CMIP: variants seen among roughly 807,000 people sequenced by gnomAD.
The protein encoded by CMIP is c-Maf inducing protein, also known as C-Maf-inducing protein.
A neutral mutation model predicts 97.3 loss-of-function variants in CMIP; 13 were observed. The ratio of observed to expected loss-of-function variants is 0.13; its 90% CI spans 0.09 to 0.21. The LOEUF is 0.21. CMIP is among the 10% of genes least tolerant of loss of function. CMIP has a pLI of 1.00. For missense variants in CMIP, 847 were observed against 1,024.9 expected (o/e 0.83, Z 2.37); for synonymous variants, 538 against 436.3 (o/e 1.23, Z -2.91).
chr16:81,493,883 G>A (rs78570501), intron 1 of CMIP, among the ~76,000 whole-genome samples: 14,696 of 152,240 alleles, frequency 0.097, 1,092 homozygotes, highest in African/African-American at 0.21. Flanking sequence ...TGTGACTCAC[G>A]CGGCCTGTCA....
At chr16:81,675,438 C>CA (rs1442941736) in intron 9 of CMIP, among the ~76,000 whole-genome samples, 1 of 148,300 alleles carries the variant, frequency 6.7e-6, no homozygotes, top group Non-Finnish European at 1.5e-5. Context: ...AGGCTGGTCT[C>CA]AAACTCCTGG....
At chr16:81,529,550 T>C (rs2090193525) in intron 1 of CMIP, among the ~76,000 whole-genome samples, 2 of 152,138 alleles carry the variant, frequency 1.3e-5, no homozygotes, top group Admixed American at 6.5e-5. Context: ...AGAAATGGAA[T>C]ATGCTGCCTG....
intron 1 of CMIP, among the ~76,000 whole-genome samples, chr16:81,568,778 G>A (rs1265380259): frequency 6.6e-6 from 1 of 152,220 alleles, no homozygotes. Flanking sequence ...GCGTGGAAAA[G>A]CAGACCAGCA....
rs1169775193 is a variant in CMIP, at chr16:81,616,177, C to A, written c.427-4699C>A. 6.7e-6 allele frequency among the ~76,000 whole-genome samples: 1 copy of A among 149,610 alleles called. No individual in the cohort carries two copies. Among genetic ancestry groups the A allele is most frequent in the Non-Finnish European group, 1.5e-5 (1 of 67,670 alleles). ...TATTTTTTTTTTTTTTTTTTTAACACCAGGCTCACTGGAGCAGTCGCAGTT... is the reference window on the plus strand; with the variant it reads ...TATTTTTTTTTTTTTTTTTTTAACAACAGGCTCACTGGAGCAGTCGCAGTT... On this transcript the variant is annotated intron_variant, in intron 2 of 20. Coordinates refer to ENST00000537098, the MANE Select transcript of CMIP (RefSeq NM_198390.3). The surrounding 1 kb of genome is among the most constrained non-coding windows in gnomAD (Gnocchi z 4.7).
intron 2 of CMIP, chr16:81,610,220 C>A: frequency 1.6e-6 from 1 of 636,748 alleles, no homozygotes; most frequent in Non-Finnish European, 2.0e-6. Context: ...CTGGAATGTC[C>A]CTTTAACCCG....
intron 1 of CMIP, among the ~76,000 whole-genome samples, chr16:81,449,882 C>T (rs772195693): frequency 6.6e-6 from 1 of 152,244 alleles, no homozygotes; most frequent in South Asian, 2.1e-4. Flanking sequence ...AGTTTTGATG[C>T]TCGCATTTGC....
chr16:81,532,591 G>T (rs2090260479), intron 1 of CMIP, among the ~76,000 whole-genome samples: 2 of 152,130 alleles, frequency 1.3e-5, no homozygotes, highest in Non-Finnish European at 2.9e-5. Context: ...CAGCTGAGTC[G>T]GGAGAACCTT....
intron 3 of CMIP, among the ~76,000 whole-genome samples, chr16:81,643,964 A>G (rs1319917065): frequency 1.3e-5 from 2 of 152,092 alleles, no homozygotes; most frequent in Admixed American, 6.6e-5. Flanking sequence ...CCCCTGTGTG[A>G]TTCCCGGAGG....
At chr16:81,590,242 C>T (rs944643739) in intron 1 of CMIP, among the ~76,000 whole-genome samples, 2 of 122,732 alleles carry the variant, frequency 1.6e-5, no homozygotes, top group East Asian at 4.0e-4. Context: ...TTCCTCCCTC[C>T]CATTCCTTCC....
chr16:81,508,650 C>G (rs980807988), intron 1 of CMIP, among the ~76,000 whole-genome samples: 2 of 152,176 alleles, frequency 1.3e-5, no homozygotes, highest in Non-Finnish European at 1.5e-5. Flanking sequence ...AGGTTATGCA[C>G]CTCTGGAATA....
At chr16:81,483,227 A>G (rs1465232192) in intron 1 of CMIP, among the ~76,000 whole-genome samples, 1 of 152,198 alleles carries the variant, frequency 6.6e-6, no homozygotes. Flanking sequence ...AAGGTAAGGG[A>G]GGAAGCTGTG....
intron 3 of CMIP, among the ~76,000 whole-genome samples, chr16:81,623,620 T>C (rs987042059): frequency 6.6e-6 from 1 of 152,230 alleles, no homozygotes; most frequent in Non-Finnish European, 1.5e-5. Flanking sequence ...CCTGTGGCTC[T>C]TTGTACCCAG....
rs116973183 is a variant in CMIP at position 81,676,825 on chromosome 16, G to A, written c.1035-1450G>A. 1.5e-4 allele frequency among the ~76,000 whole-genome samples: 23 copies of A among 152,060 alleles called. No individual in the cohort carries two copies. In the East Asian group the frequency reaches 4.1e-3, roughly 27 times the overall value. ...CCCCCTCCCACCCCTTCCCCCAGCTGCAACAATTCCCCAAACACAATGCCA... is the reference window on the plus strand; with the variant it reads ...CCCCCTCCCACCCCTTCCCCCAGCTACAACAATTCCCCAAACACAATGCCA... On this transcript the variant is annotated intron_variant, in intron 9 of 20. Transcript: ENST00000537098.
intron 1 of CMIP, among the ~76,000 whole-genome samples, chr16:81,473,786 C>T (rs1304851315): frequency 1.4e-5 from 2 of 146,982 alleles, no homozygotes; most frequent in Non-Finnish European, 3.0e-5. Context: ...AGTCTGCTGA[C>T]GTGTTTTACT....
intron 1 of CMIP, among the ~76,000 whole-genome samples, chr16:81,537,550 A>C (rs1265111844): frequency 9.6e-4 from 124 of 129,528 alleles, no homozygotes; most frequent in Middle Eastern, 3.8e-3. Context: ...AAAAGACAAA[A>C]AAAAAAAAAA....
At chr16:81,451,356 G>A (rs1006239198) in intron 1 of CMIP, among the ~76,000 whole-genome samples, 4 of 152,136 alleles carry the variant, frequency 2.6e-5, no homozygotes, top group South Asian at 2.1e-4. Context: ...TTCCACCATG[G>A]TTGTAAGTTC....
chr16:81,680,929 C>T (rs1904811064), intron 10 of CMIP, among the ~76,000 whole-genome samples: 1 of 152,220 alleles, frequency 6.6e-6, no homozygotes. Context: ...TGAGTTTCAG[C>T]ACGCAGTTGA....
chr16:81,632,546 T>C (rs921332672), intron 3 of CMIP, among the ~76,000 whole-genome samples: 4 of 152,172 alleles, frequency 2.6e-5, no homozygotes, highest in African/African-American at 9.7e-5. Flanking sequence ...TTAGATCCTT[T>C]AGGAAAATGC....
chr16:81,526,591 T>C (rs150878798), intron 1 of CMIP, among the ~76,000 whole-genome samples: 1 of 152,244 alleles, frequency 6.6e-6, no homozygotes, highest in Non-Finnish European at 1.5e-5. Context: ...TTGATAGCTG[T>C]TTTTCATTAT....
Sources: allele counts gnomAD v4.1 joint callset (sites outside exome capture counted in the v4.1 genomes callset), GRCh38; gene constraint gnomAD v4.1.1; non-coding constraint Gnocchi (gnomAD v3.1); transcripts MANE v1.5; gene names NCBI Gene and HGNC (gene_info 2026-07-23, HGNC 2026-07-21).